TASP1: variants seen among roughly 807,000 people sequenced by gnomAD.
The protein encoded by TASP1 is taspase 1.
A neutral mutation model predicts 56.6 loss-of-function variants in TASP1; 16 were observed. That is an observed-to-expected ratio of 0.28 (90% CI 0.19 to 0.43). The LOEUF (loss-of-function observed/expected upper bound fraction) is 0.43, where lower values mean the gene tolerates loss of function less well. TASP1 is among the 20% of genes least tolerant of loss of function. TASP1 has a pLI of 1.00. For synonymous variants in TASP1, 179 were observed against 184.2 expected (o/e 0.97, Z 0.23); for missense variants, 393 against 511.6 (o/e 0.77, Z 2.24).
intron 6 of TASP1, among the ~76,000 whole-genome samples, chr20:13,572,809 T>C (rs1204176543): frequency 6.6e-6 from 1 of 152,094 alleles, no homozygotes; most frequent in Non-Finnish European, 1.5e-5. Flanking sequence ...TGTACTCATG[T>C]GAATTACAAT....
chr20:13,558,875 A>T, intron 8 of TASP1, 133 bp downstream of exon 8: 1 of 435,180 alleles, frequency 2.3e-6, no homozygotes, highest in Non-Finnish European at 4.0e-6. Flanking sequence ...TAATGTAGCT[A>T]CTGAAAAACT....
chr20:13,359,188 C>T, the TASP1 span, among the ~76,000 whole-genome samples: 1 of 143,086 alleles, frequency 7.0e-6, no homozygotes, highest in African/African-American at 2.8e-5. Flanking sequence ...ACACCTGAAC[C>T]GCAGTGGCCA....
intron 11 of TASP1, among the ~76,000 whole-genome samples, chr20:13,455,027 T>C (rs1444046197): frequency 6.6e-6 from 1 of 152,122 alleles, no homozygotes; most frequent in African/African-American, 2.4e-5. Context: ...TCTAGGAGCC[T>C]TGGGCTGTGG....
chr20:13,458,276 C>T (rs973594123), intron 11 of TASP1, among the ~76,000 whole-genome samples: 2 of 152,142 alleles, frequency 1.3e-5, no homozygotes, highest in Non-Finnish European at 2.9e-5. Context: ...TGATGGTGAA[C>T]ACCCTAAAGG....
chr20:13,516,478 T>C (rs1401137766), intron 10 of TASP1, among the ~76,000 whole-genome samples: 1 of 152,024 alleles, frequency 6.6e-6, no homozygotes, highest in Non-Finnish European at 1.5e-5. Context: ...GTGAACCATA[T>C]GAAGGGAGCT....
intron 11 of TASP1, among the ~76,000 whole-genome samples, chr20:13,452,326 T>C (rs2146298300): frequency 6.6e-6 from 1 of 151,858 alleles, no homozygotes; most frequent in East Asian, 1.9e-4. Flanking sequence ...GAGGTATGCC[T>C]CTATTCCATT....
chr20:13,461,407 T>C (rs959984770), intron 11 of TASP1, among the ~76,000 whole-genome samples: 2 of 152,214 alleles, frequency 1.3e-5, no homozygotes, highest in African/African-American at 4.8e-5. Context: ...TTATTCACTG[T>C]TGTATTTCTA....
chr20:13,616,449 G>A (rs558250310), intron 4 of TASP1, among the ~76,000 whole-genome samples: 1 of 152,114 alleles, frequency 6.6e-6, no homozygotes, highest in Admixed American at 6.6e-5. Flanking sequence ...TATATCTGAT[G>A]AGATCCACAT....
chr20:13,373,680 CTCCT>C, the TASP1 span, among the ~76,000 whole-genome samples: 20 of 152,014 alleles, frequency 1.3e-4, no homozygotes, highest in Non-Finnish European at 5.9e-5. Flanking sequence ...TCAAAATTTT[CTCCT>C]TGTCTTTGAA....
the TASP1 span, among the ~76,000 whole-genome samples, chr20:13,247,424 C>T: frequency 0.29 from 43,760 of 151,820 alleles, 6,529 homozygotes; most frequent in African/African-American, 0.38. Context: ...CAGTGGCTTG[C>T]AGCCTGTACA....
chr20:13,232,172 T>C, the TASP1 span, among the ~76,000 whole-genome samples: 3 of 152,314 alleles, frequency 2.0e-5, no homozygotes, highest in Admixed American at 2.0e-4. Flanking sequence ...ACAGCTTTGT[T>C]GAAGTGCAAT....
the TASP1 span, among the ~76,000 whole-genome samples, chr20:13,114,019 G>C: frequency 6.6e-6 from 1 of 152,250 alleles, no homozygotes; most frequent in Non-Finnish European, 1.5e-5. Flanking sequence ...CCCCAGGACA[G>C]ATAACCGAGA....
the TASP1 span, among the ~76,000 whole-genome samples, chr20:13,342,026 T>A: frequency 2.6e-5 from 4 of 152,202 alleles, no homozygotes; most frequent in South Asian, 8.3e-4. Flanking sequence ...TTCTGCCACA[T>A]TTGATTAGTC....
the TASP1 span, among the ~76,000 whole-genome samples, chr20:13,359,469 C>G: frequency 6.6e-6 from 1 of 151,862 alleles, no homozygotes; most frequent in South Asian, 2.1e-4. Flanking sequence ...GCCCCCTAGA[C>G]CATCACGGAT....
At chr20:13,413,779 T>A (rs963071281) in intron 13 of TASP1, among the ~76,000 whole-genome samples, 3 of 152,174 alleles carry the variant, frequency 2.0e-5, no homozygotes, top group Non-Finnish European at 2.9e-5. Flanking sequence ...GATCTATACA[T>A]CCTTTACCAA....
the TASP1 span, chr20:13,110,047 A>C: frequency 7.2e-7 from 1 of 1,387,894 alleles, no homozygotes; most frequent in Non-Finnish European, 9.9e-7. Context: ...ATCTGGAAAA[A>C]GAAAGTGGAA....
At chr20:13,332,432 A>G in the TASP1 span, among the ~76,000 whole-genome samples, 1 of 152,162 alleles carries the variant, frequency 6.6e-6, no homozygotes, top group Non-Finnish European at 1.5e-5. Flanking sequence ...TCTTAGCATG[A>G]ATTTTATCAT....
At chr20:13,348,388 C>G in the TASP1 span, among the ~76,000 whole-genome samples, 1 of 152,132 alleles carries the variant, frequency 6.6e-6, no homozygotes, top group African/African-American at 2.4e-5. Context: ...AAATAATAAA[C>G]CTGGTTCTTA....
chr20:13,157,433 A>G, the TASP1 span, among the ~76,000 whole-genome samples: 1 of 152,058 alleles, frequency 6.6e-6, no homozygotes, highest in Non-Finnish European at 1.5e-5. Flanking sequence ...GTGAAACTCC[A>G]TGTCAAAAAA....
Sources: allele counts gnomAD v4.1 joint callset (sites outside exome capture counted in the v4.1 genomes callset), GRCh38; gene constraint gnomAD v4.1.1; transcripts MANE v1.5; gene names NCBI Gene and HGNC (gene_info 2026-07-23, HGNC 2026-07-21).